The following KMT2C variants were observed in gnomAD, a reference collection of about 807,000 sequenced individuals.
KMT2C encodes the protein lysine methyltransferase 2C.
Under a neutral mutation model 507.9 loss-of-function variants are expected in KMT2C, and 88 were observed. That is an observed-to-expected ratio of 0.17 (90% CI 0.15 to 0.21). KMT2C has a LOEUF of 0.21. Ranked by LOEUF, KMT2C falls within the 10% of genes least tolerant of loss-of-function variation. The probability of loss-of-function intolerance (pLI) is 1.00; values close to 1 mark genes in which losing one functional copy is unlikely to be tolerated. For synonymous variants in KMT2C, 2,049 were observed against 2,080.8 expected, an observed-to-expected ratio of 0.98 and a Z score of 0.42; for missense variants, 4,954 against 5,957.8, an observed-to-expected ratio of 0.83 and a Z score of 5.55.
chr7:152,387,930 T>C (rs2097446999), intron 1 of KMT2C, among the ~76,000 whole-genome samples: 1 of 152,024 alleles, frequency 6.6e-6, no homozygotes, highest in Non-Finnish European at 1.5e-5. Flanking sequence ...GATGTATACC[T>C]TTTCTTAGAA....
Position 152,162,356 on chromosome 7 carries a change from C to T in KMT2C, c.11221G>A (p.Gly3741Ser), listed in dbSNP as rs149162881. ...ACAGCGTTTCCTTCTACCTTACTAC[C>T]ATTCTGTTCCTCCAATTTAGGCTCC... is the stretch of plus-strand genomic sequence containing the variant. ...QEEPKLEEQN[G>S]SKVEGNAVAC... is the part of the protein sequence containing the mutation. Residue 3741 changes from glycine (G) to serine (S), a missense_variant, in exon 43 of 59, where the codon GGT (glycine) becomes AGT (serine). This residue lies in a region of KMT2C where 801 missense variants were observed against 751.2 expected (regional missense o/e 1.07). Transcript: ENST00000262189. 1.2e-6 allele frequency: 2 copies of T among 1,614,230 alleles called. No individual in the cohort carries two copies. The highest frequency in any genetic ancestry group is 1.3e-5 in the African/African-American group (1 of 75,058).
intron 18 of KMT2C, among the ~76,000 whole-genome samples, chr7:152,226,066 G>A (rs928315936): frequency 6.6e-6 from 1 of 151,736 alleles, no homozygotes; most frequent in Admixed American, 6.6e-5. Context: ...ATAGCAGAAA[G>A]TCAACAAAAT....
At position 152,428,987 on chromosome 7, in the gene KMT2C, G is replaced by C. The variant is rs566823057; in HGVS notation, c.161+6639C>G. 3.2e-4 allele frequency among the ~76,000 whole-genome samples: 49 copies of C among 152,258 alleles called. 1 individual carries two copies. In the South Asian group the frequency reaches 9.9e-3, roughly 31 times the overall value. ...GGCCTCACCACTACACACAGCCTCTGTTCTAGTCACACAGTCAGAAGCCAC... is the reference window on the plus strand; with the variant it reads ...GGCCTCACCACTACACACAGCCTCTCTTCTAGTCACACAGTCAGAAGCCAC... On this transcript the variant is annotated intron_variant, in intron 1 of 58. Transcript: ENST00000262189.
Position 152,183,163 on chromosome 7 carries a change from CAAAAG to C in KMT2C, c.5083-12_5083-8del. On this transcript the variant is annotated splice_polypyrimidine_tract_variant and splice_region_variant and intron_variant, in intron 34 of 58. Coordinates refer to ENST00000262189, the MANE Select transcript of KMT2C (RefSeq NM_170606.3). ...TGTTATCTCTGGCTTTTTGCTTTGA[CAAAAG>C]AAGAGAAAAAAATTTCCCAGATTAT... 1 of 1,506,356 alleles carries C rather than the reference CAAAAG, an allele frequency of 6.6e-7. No homozygotes were observed. The highest frequency in any genetic ancestry group is 8.8e-7 in the Non-Finnish European group (1 of 1,130,206). The allele number at this position is 1,506,356 out of a possible 1,614,324, so 93.3% of individuals were successfully genotyped here.
rs1218957929 is a variant in KMT2C, at chr7:152,309,543, G to A, written c.849+423C>T. On this transcript the variant is annotated intron_variant, in intron 6 of 58. Transcript: ENST00000262189. ...TTTTTTTTTTTTTTTTTAATTAAACGGAGTCTCTCTCTGTCACCCAGGTTG... is the reference window on the plus strand; with the variant it reads ...TTTTTTTTTTTTTTTTTAATTAAACAGAGTCTCTCTCTGTCACCCAGGTTG... Among the ~76,000 whole-genome samples, 18 of 130,816 alleles carry A rather than the reference G, an allele frequency of 1.4e-4. No homozygotes were observed. In the East Asian group the frequency reaches 1.8e-3, roughly 13 times the overall value. 85.8% of individuals were successfully genotyped at this position (130,816 alleles called of 152,430 possible).
At chr7:152,150,057 A>C (rs2091477278) in intron 51 of KMT2C, among the ~76,000 whole-genome samples, 1 of 152,234 alleles carries the variant, frequency 6.6e-6, no homozygotes, top group Admixed American at 6.5e-5. Flanking sequence ...CTTCTGTGAA[A>C]GACATACCAG....
At position 152,181,204 on chromosome 7, in the gene KMT2C, G is replaced by C; in HGVS notation, c.6656C>G (p.Ser2219Cys). ...TGGCCTTGGTGTTGCTGGTGGCTGA[G>C]AGTAAGGGACAGAAATTCCAGGTCT... ...TPRPGISVPY[S>C]QPPATPRPRI... Residue 2219 changes from serine to cysteine, a missense_variant, in exon 36 of 59, where the codon TCT becomes TGT. Ser to Cys is a moderately radical substitution (Grantham distance 112, BLOSUM62 -1). Transcript: ENST00000262189. 1.9e-6 allele frequency: 3 copies of C among 1,614,120 alleles called. No homozygotes were observed. Among genetic ancestry groups the C allele is most frequent in the Non-Finnish European group, 2.5e-6 (3 of 1,180,018 alleles).
At chr7:152,397,914 A>G (rs1244865859) in intron 1 of KMT2C, among the ~76,000 whole-genome samples, 1 of 152,186 alleles carries the variant, frequency 6.6e-6, no homozygotes, top group East Asian at 1.9e-4. Flanking sequence ...AAAATTACCC[A>G]GCCTTGGGTA....
At chr7:152,414,209 CAA>C (rs142576046) in intron 1 of KMT2C, among the ~76,000 whole-genome samples, 6 of 103,376 alleles carry the variant, frequency 5.8e-5, no homozygotes, top group Non-Finnish European at 4.1e-5. Context: ...GACTCTGTTT[CAA>C]AAAAAAAAAA....
At chr7:152,309,428 A>G (rs1449395941) in intron 6 of KMT2C, among the ~76,000 whole-genome samples, 2 of 150,222 alleles carry the variant, frequency 1.3e-5, no homozygotes, top group East Asian at 3.9e-4. Flanking sequence ...GACTCAAGCA[A>G]TCTTCCCACC....
chr7:152,262,747 T>A (rs1184382729), intron 9 of KMT2C, among the ~76,000 whole-genome samples: 1 of 152,160 alleles, frequency 6.6e-6, no homozygotes, highest in South Asian at 2.1e-4. Flanking sequence ...TGAATACTAA[T>A]CTATAGTGAA....
chr7:152,360,066 A>G (rs1159643026), intron 1 of KMT2C, among the ~76,000 whole-genome samples: 10 of 22,874 alleles, frequency 4.4e-4, no homozygotes, highest in Admixed American at 1.3e-3. Context: ...AACAAAAAAA[A>G]GGGGGGTGGG....
At chr7:152,314,916 CAATT>C (rs995990505) in intron 4 of KMT2C, among the ~76,000 whole-genome samples, 2 of 152,020 alleles carry the variant, frequency 1.3e-5, no homozygotes, top group Non-Finnish European at 2.9e-5. Flanking sequence ...CTTTCATATA[CAATT>C]AATATAAACT....
At chr7:152,366,933 G>T in intron 1 of KMT2C, 2 of 478,006 alleles carry the variant, frequency 4.2e-6, no homozygotes, top group South Asian at 5.0e-5. Flanking sequence ...GGCGCCTGGC[G>T]GGCACGATCG....
Position 152,136,774 on chromosome 7 carries a change from G to T in KMT2C, c.*58C>A. 8.6e-7 allele frequency: 1 copy of T among 1,168,114 alleles called. No individual in the cohort carries two copies. Among genetic ancestry groups the T allele is most frequent in the Non-Finnish European group, 1.3e-6 (1 of 775,972 alleles). The allele number at this position is 1,168,114 out of a possible 1,614,324, so 72.4% of individuals were successfully genotyped here. A position where few individuals can be genotyped will look rare whatever the true frequency, so the allele number is the denominator to read the frequency against. On this transcript the variant is annotated 3_prime_UTR_variant, in exon 59 of 59. Coordinates refer to ENST00000262189, the MANE Select transcript of KMT2C (RefSeq NM_170606.3). Reference sequence around the variant, plus strand: ...TTTCTGTCTGCAAAATTCCAATGGTGTGTTGAATCGCCTCTTCCTAGGGAC... The same window carrying T: ...TTTCTGTCTGCAAAATTCCAATGGTTTGTTGAATCGCCTCTTCCTAGGGAC...
In KMT2C at chr7:152,156,042, C is replaced by T; in HGVS notation, c.11828G>A (p.Gly3943Glu). ...GAAGGGCAGCTGAAATGGTTTAGGT[C>T]CTAGAGTTTTGGTAACTGGAAAAGC... ...LVSHEVTKTL[G>E]PKPFQLPFRP... The change falls in exon 46 of 59, where the codon GGA (glycine) becomes GAA (glutamate). Residue 3943 changes from glycine to glutamate, a missense_variant. Gly to Glu is a moderately conservative substitution (Grantham distance 98). This residue lies in a region of KMT2C where 104 missense variants were observed against 134.3 expected (regional missense o/e 0.77). Transcript: ENST00000262189. 7.5e-6 allele frequency: 12 copies of T among 1,600,156 alleles called. No homozygotes were observed. Among genetic ancestry groups the T allele is most frequent in the Non-Finnish European group, 9.4e-6 (11 of 1,175,616 alleles).
At chr7:152,198,919 C>T (rs969839148) in intron 27 of KMT2C, among the ~76,000 whole-genome samples, 21 of 152,074 alleles carry the variant, frequency 1.4e-4, no homozygotes, top group African/African-American at 1.7e-4. Flanking sequence ...ACATCCATTT[C>T]GGTTTCTCTG....
chr7:152,212,193 G>A (rs1001278111), intron 23 of KMT2C, among the ~76,000 whole-genome samples: 1 of 152,198 alleles, frequency 6.6e-6, no homozygotes, highest in Non-Finnish European at 1.5e-5. Flanking sequence ...TCTCTGGAAA[G>A]CTATAAGAAA....
At chr7:152,292,637 T>G (rs2129187305) in intron 6 of KMT2C, among the ~76,000 whole-genome samples, 1 of 152,328 alleles carries the variant, frequency 6.6e-6, no homozygotes, top group Admixed American at 6.5e-5. Context: ...TAAACACAGC[T>G]GGAGGACCGA....
Sources: allele counts gnomAD v4.1 joint callset (sites outside exome capture counted in the v4.1 genomes callset), GRCh38; gene constraint gnomAD v4.1.1; regional missense constraint gnomAD v4.1.1; transcripts MANE v1.5; gene names NCBI Gene and HGNC (gene_info 2026-07-23, HGNC 2026-07-21).